TRIO: variants seen among roughly 807,000 people sequenced by gnomAD.
The protein encoded by TRIO is trio Rho guanine nucleotide exchange factor, also known as triple functional domain protein.
Under a neutral mutation model 351.9 loss-of-function variants are expected in TRIO, and 58 were observed. The ratio of observed to expected loss-of-function variants is 0.16; its 90% CI spans 0.13 to 0.21. TRIO has a LOEUF of 0.21. Among genes scored for constraint, TRIO ranks in the 10% least tolerant of loss-of-function variants. The probability of loss-of-function intolerance (pLI) is 1.00; values close to 1 mark genes in which losing one functional copy is unlikely to be tolerated. For missense variants in TRIO, 3,201 were observed against 4,027.8 expected, an observed-to-expected ratio of 0.79 and a Z score of 5.56; for synonymous variants, 1,758 against 1,595.7, an observed-to-expected ratio of 1.10 and a Z score of -2.42.
intron 1 of TRIO, among the ~76,000 whole-genome samples, chr5:14,157,368 C>T (rs1788158910): frequency 6.6e-6 from 1 of 151,874 alleles, no homozygotes; most frequent in South Asian, 2.1e-4. Flanking sequence ...CTGTATTTTT[C>T]TTTTCTCTCT....
Position 14,369,460 on chromosome 5 carries a change from TGA to T in TRIO, c.3156_3157del (p.Glu1052AspfsTer54), listed in dbSNP as rs1261764395. On this transcript the variant is annotated frameshift_variant, in exon 18 of 57. Transcript: ENST00000344204. LOFTEE classifies it high-confidence loss of function. The part of the protein sequence containing the change: ...GGADKLGPNS[E>X]TDHVTPMISK... Reference sequence around the variant, plus strand: ...GGGCGGATAAGCTGGGCCCAAACTCTGAGACGGACCACGTGACGCCCATGATC... The same window carrying T: ...GGGCGGATAAGCTGGGCCCAAACTCTGACGGACCACGTGACGCCCATGATC... 1 of 1,614,134 alleles carries T rather than the reference TGA, an allele frequency of 6.2e-7. No individual in the cohort carries two copies. The highest frequency in any genetic ancestry group is 8.5e-7 in the Non-Finnish European group (1 of 1,180,024).
intron 1 of TRIO, among the ~76,000 whole-genome samples, chr5:14,220,247 G>A (rs367833229): frequency 5.9e-5 from 9 of 151,984 alleles, no homozygotes; most frequent in Admixed American, 2.0e-4. Context: ...TGTTTTTAGC[G>A]TAATTGTTTT....
intron 18 of TRIO, among the ~76,000 whole-genome samples, chr5:14,373,541 A>G (rs1188188658): frequency 1.5e-4 from 23 of 152,218 alleles, no homozygotes; most frequent in Admixed American, 1.5e-3. Context: ...CTTTGATTTT[A>G]TATTTGTATT....
intron 34 of TRIO, among the ~76,000 whole-genome samples, chr5:14,454,442 G>A (rs1753088797): frequency 6.6e-6 from 1 of 152,186 alleles, no homozygotes; most frequent in East Asian, 1.9e-4. Context: ...ACAAACTCAT[G>A]AACTTGACTA....
chr5:14,350,244 G>A (rs549449984), intron 11 of TRIO, among the ~76,000 whole-genome samples: 1 of 152,272 alleles, frequency 6.6e-6, no homozygotes, highest in African/African-American at 2.4e-5. Context: ...ACTTGCCACG[G>A]CAAAGAGGAA....
Position 14,387,527 on chromosome 5 carries a change from T to C in TRIO, c.3660T>C (p.Cys1220=). ...CCCATGCGGCAGAGATAAAAAAATG[T>C]GTTACTGCTGTGGATAAGAGGTACA... is the stretch of plus-strand genomic sequence containing the variant. ...GHAHAAEIKK[C]VTAVDKRYRD... The change falls in exon 22 of 57, where the codon TGT becomes TGC. Residue 1220 remains cysteine (C), a synonymous_variant. Transcript: ENST00000344204. 3 of 1,614,238 alleles carry C rather than the reference T, an allele frequency of 1.9e-6. No homozygotes were observed. The highest frequency in any genetic ancestry group is 2.2e-5 in the East Asian group (1 of 44,890).
chr5:14,482,786 T>C lies in TRIO; in HGVS notation c.6657+13T>C. The C allele has an allele frequency of 6.5e-7, 1 of 1,537,916 alleles. No individual in the cohort carries two copies. The highest frequency in any genetic ancestry group is 8.8e-7 in the Non-Finnish European group (1 of 1,133,838). On this transcript the variant is annotated intron_variant, in intron 46 of 56. Transcript: ENST00000344204. Reference sequence around the variant, plus strand: ...GAACAGTATCAAGGTAACGTGTGTCTCTGTGTGATTTCTCTGTGCCAGCGC... The same window carrying C: ...GAACAGTATCAAGGTAACGTGTGTCCCTGTGTGATTTCTCTGTGCCAGCGC...
At chr5:14,304,731 G>A in intron 8 of TRIO, 139 bp downstream of exon 8, 2 of 1,009,178 alleles carry the variant, frequency 2.0e-6, no homozygotes, top group Non-Finnish European at 2.9e-6. Context: ...TAATTGTTTA[G>A]CATTTGAACC....
chr5:14,234,876 T>C (rs1793673396), intron 1 of TRIO, among the ~76,000 whole-genome samples: 1 of 152,244 alleles, frequency 6.6e-6, no homozygotes, highest in Admixed American at 6.5e-5. Context: ...ACTAGATTAT[T>C]TTCAAGGAAT....
chr5:14,409,686 T>C (rs953168738), intron 33 of TRIO, among the ~76,000 whole-genome samples: 1 of 151,786 alleles, frequency 6.6e-6, no homozygotes, highest in Non-Finnish European at 1.5e-5. Flanking sequence ...TGTAAAAAAT[T>C]AGTCGAGCGT....
chr5:14,285,983 G>T lies in TRIO; in HGVS notation c.348-888G>T, dbSNP rs147499272. ...GCGACTAAGTATTTTTTTAACCTGT[G>T]TTTAAGGACACCTTAACTCTTGTTG... On this transcript the variant is annotated intron_variant, in intron 3 of 56. Transcript: ENST00000344204. 2.9e-3 allele frequency among the ~76,000 whole-genome samples: 434 copies of T among 152,252 alleles called. 1 individual carries two copies. The highest frequency in any genetic ancestry group is 4.6e-3 in the Non-Finnish European group (310 of 68,024).
chr5:14,340,825 A>G (rs895645342), intron 11 of TRIO, among the ~76,000 whole-genome samples: 1 of 152,172 alleles, frequency 6.6e-6, no homozygotes, highest in Admixed American at 6.5e-5. Flanking sequence ...TCCTGAGAAG[A>G]GAGAAAAGGG....
chr5:14,332,114 A>G (rs913786260), intron 10 of TRIO, among the ~76,000 whole-genome samples: 50 of 152,334 alleles, frequency 3.3e-4, no homozygotes, highest in African/African-American at 1.2e-3. Context: ...AATCTTTGGC[A>G]TAGCATCCTT....
chr5:14,411,403 G>A (rs534138658), intron 33 of TRIO, among the ~76,000 whole-genome samples: 3 of 152,308 alleles, frequency 2.0e-5, no homozygotes, highest in Non-Finnish European at 4.4e-5. Flanking sequence ...TGGCCGAGGC[G>A]AGATGAGGTA....
intron 1 of TRIO, among the ~76,000 whole-genome samples, chr5:14,232,760 A>G (rs1793525563): frequency 1.3e-5 from 2 of 152,246 alleles, no homozygotes; most frequent in South Asian, 4.1e-4. Flanking sequence ...TCTTTTTAAT[A>G]TATGTGTTTA....
At chr5:14,277,139 G>A (rs576618922) in intron 2 of TRIO, among the ~76,000 whole-genome samples, 2 of 152,188 alleles carry the variant, frequency 1.3e-5, no homozygotes, top group Non-Finnish European at 2.9e-5. Context: ...TTAAATCAGC[G>A]AATGAAACAA....
At chr5:14,259,312 G>C (rs1795208751) in intron 1 of TRIO, among the ~76,000 whole-genome samples, 2 of 151,974 alleles carry the variant, frequency 1.3e-5, no homozygotes, top group Admixed American at 1.3e-4. Context: ...TTTTTAACCA[G>C]AATGAAAAAA....
intron 53 of TRIO, chr5:14,498,971 G>A (rs1440761965): frequency 1.5e-5 from 4 of 271,028 alleles, no homozygotes; most frequent in Non-Finnish European, 2.9e-5. Context: ...TTGGAGCAGG[G>A]TGCTTTCCGT....
chr5:14,183,644 A>T (rs190434625), intron 1 of TRIO, among the ~76,000 whole-genome samples: 4 of 152,156 alleles, frequency 2.6e-5, no homozygotes, highest in Non-Finnish European at 4.4e-5. Context: ...TAACCATCAG[A>T]GTCTCATTTT....
Sources: gnomAD v4.1 joint callset for allele counts (sites outside exome capture counted in the v4.1 genomes callset) on GRCh38, gnomAD v4.1.1 for gene constraint, MANE v1.5 for transcripts, NCBI Gene and HGNC (gene_info 2026-07-23, HGNC 2026-07-21) for gene names.